Variants in TCEA1 observed in about 807,000 individuals in gnomAD.
The protein encoded by TCEA1 is transcription elongation factor A protein 1.
In TCEA1, 21 loss-of-function variants were observed where a neutral mutation model predicts 43.8. The observed-to-expected ratio is 0.48, with a 90% CI of 0.34 to 0.69. TCEA1 has a LOEUF of 0.69. TCEA1 is among the 30% of genes least tolerant of loss of function. TCEA1 has a pLI of 0.01. For synonymous variants in TCEA1, 104 were observed against 117.5 expected (o/e 0.88, Z 0.75); for missense variants, 250 against 365.1 (o/e 0.68, Z 2.57).
chr8:53,984,317 C>A, intron 7 of TCEA1, 46 bp downstream of exon 7: 1 of 1,532,110 alleles, frequency 6.5e-7, no homozygotes, highest in South Asian at 1.3e-5. Flanking sequence ...TTACACTTCA[C>A]AACACAGAAT....
intron 1 of TCEA1, among the ~76,000 whole-genome samples, chr8:54,014,440 C>T (rs750535794): frequency 5.3e-5 from 8 of 151,954 alleles, no homozygotes; most frequent in Non-Finnish European, 1.2e-4. Context: ...TGAGATCCCA[C>T]CTCTATTTAA....
At chr8:54,015,326 C>T (rs949355403) in intron 1 of TCEA1, among the ~76,000 whole-genome samples, 22 of 152,038 alleles carry the variant, frequency 1.4e-4, no homozygotes, top group East Asian at 9.7e-4. Flanking sequence ...CCCACCACCA[C>T]GCCCAACTAA....
chr8:53,968,387 T>C (rs556765038), intron 9 of TCEA1, among the ~76,000 whole-genome samples: 2 of 149,214 alleles, frequency 1.3e-5, no homozygotes, highest in South Asian at 4.3e-4. Flanking sequence ...AAAAAAAAAA[T>C]AACAATTCCA....
At chr8:53,994,862 C>A (rs984022221) in intron 3 of TCEA1, among the ~76,000 whole-genome samples, 1 of 150,580 alleles carries the variant, frequency 6.6e-6, no homozygotes, top group Non-Finnish European at 1.5e-5. Context: ...CAGAACAAGA[C>A]TCTGTCTCAA....
At chr8:53,999,224 C>CA (rs57357613) in intron 3 of TCEA1, among the ~76,000 whole-genome samples, 3,442 of 64,014 alleles carry the variant, frequency 0.054, 153 homozygotes, top group Non-Finnish European at 0.074. Context: ...GACTCAGTCT[C>CA]AAAAAAAAAA....
At chr8:53,995,294 CAAAAAAAAAAA>C (rs925755044) in intron 3 of TCEA1, among the ~76,000 whole-genome samples, 42 of 57,932 alleles carry the variant, frequency 7.2e-4, no homozygotes, top group Admixed American at 6.9e-3. Flanking sequence ...GACTCTGTCT[CAAAAAAAAAAA>C]AAAAAAAAAA....
chr8:54,001,369 C>G (rs1437482614), intron 2 of TCEA1, among the ~76,000 whole-genome samples: 3 of 152,106 alleles, frequency 2.0e-5, no homozygotes, highest in Non-Finnish European at 2.9e-5. Flanking sequence ...TCAATCCTCT[C>G]AACAAACAGA....
chr8:54,018,461 A>G (rs528641739), intron 1 of TCEA1, among the ~76,000 whole-genome samples: 1 of 152,284 alleles, frequency 6.6e-6, no homozygotes, highest in East Asian at 1.9e-4. Flanking sequence ...ATATTCACTT[A>G]ATCCTTACTA....
chr8:53,977,742 AAT>A (rs1183482366), intron 8 of TCEA1, among the ~76,000 whole-genome samples: 1 of 151,968 alleles, frequency 6.6e-6, no homozygotes, highest in African/African-American at 2.4e-5. Flanking sequence ...ATGCAACCAA[AAT>A]AACTATAACA....
At chr8:53,981,332 G>A (rs1373604744) in intron 7 of TCEA1, among the ~76,000 whole-genome samples, 1 of 152,202 alleles carries the variant, frequency 6.6e-6, no homozygotes. Context: ...CTAAAGAGAA[G>A]AAGTCAACGC....
chr8:53,999,133 C>CAGG (rs1191091234), intron 3 of TCEA1, among the ~76,000 whole-genome samples: 4 of 145,430 alleles, frequency 2.8e-5, no homozygotes, highest in Admixed American at 1.4e-4. Context: ...GAGGCTGAGG[C>CAGG]AGAATGGCAT....
At chr8:54,017,348 A>G (rs898374366) in intron 1 of TCEA1, among the ~76,000 whole-genome samples, 1 of 152,258 alleles carries the variant, frequency 6.6e-6, no homozygotes, top group African/African-American at 2.4e-5. Flanking sequence ...CTGCAACCCT[A>G]GATGACAAAA....
At chr8:53,985,992 CAT>C in intron 6 of TCEA1, among the ~76,000 whole-genome samples, 1 of 152,128 alleles carries the variant, frequency 6.6e-6, no homozygotes, top group African/African-American at 2.4e-5. Context: ...AATAAAATGA[CAT>C]AGATGTCCCT....
At chr8:53,984,670 T>C (rs1803632849) in intron 6 of TCEA1, among the ~76,000 whole-genome samples, 153 bp from the exon 7 acceptor site, 1 of 151,718 alleles carries the variant, frequency 6.6e-6, no homozygotes, top group African/African-American at 2.4e-5. Flanking sequence ...GATCACGAGG[T>C]CAGGAGATCG....
intron 6 of TCEA1, among the ~76,000 whole-genome samples, chr8:53,985,106 C>A (rs1021900090): frequency 6.6e-6 from 1 of 151,960 alleles, no homozygotes; most frequent in Non-Finnish European, 1.5e-5. Context: ...CTCCACCTCC[C>A]GGGTTCAAGC....
At chr8:54,003,122 C>T in intron 2 of TCEA1, 2 of 455,576 alleles carry the variant, frequency 4.4e-6, no homozygotes, top group Non-Finnish European at 8.8e-6. Context: ...AGCTACTGTA[C>T]AGCTACTATA....
At chr8:53,976,230 A>C (rs768664991) in intron 8 of TCEA1, among the ~76,000 whole-genome samples, 8 of 152,202 alleles carry the variant, frequency 5.3e-5, no homozygotes, top group Non-Finnish European at 7.3e-5. Context: ...TGACACCGGT[A>C]AACTATTAAC....
rs570426172 is a variant in TCEA1, at chr8:53,986,940, AC to A, written c.523+28del. The A allele has an allele frequency of 3.3e-3, 5,078 of 1,527,852 alleles. 3 individuals carry two copies. The highest frequency in any genetic ancestry group is 4.0e-3 in the Non-Finnish European group (4,567 of 1,136,834). 94.6% of individuals were successfully genotyped at this position (1,527,852 alleles called of 1,614,324 possible). A position where few individuals can be genotyped will look rare whatever the true frequency, so the allele number is the denominator to read the frequency against. The stretch of plus-strand genomic sequence containing the variant: ...CAATAAATATTACTTATTAAAAAAA[AC>A]AATTATGAATATACACACAAAGGAT... On this transcript the variant is annotated intron_variant, in intron 6 of 9. Transcript: ENST00000521604.
At chr8:54,004,027 C>T (rs1804360913) in intron 2 of TCEA1, among the ~76,000 whole-genome samples, 1 of 151,528 alleles carries the variant, frequency 6.6e-6, no homozygotes, top group Non-Finnish European at 1.5e-5. Context: ...CCAACAAGCA[C>T]ATGAAAAGAT....
Sources: allele counts gnomAD v4.1 joint callset (sites outside exome capture counted in the v4.1 genomes callset), GRCh38; gene constraint gnomAD v4.1.1; transcripts MANE v1.5; gene names NCBI Gene and HGNC (gene_info 2026-07-23, HGNC 2026-07-21).